Variants in ZNF223 observed in about 807,000 individuals in gnomAD.
ZNF223 encodes zinc finger protein 223.
ZNF223 carries 9 observed loss-of-function variants against 12.3 expected under a neutral mutation model. The ratio of observed to expected loss-of-function variants is 0.73; its 90% CI spans 0.44 to 1.28. ZNF223 has a LOEUF of 1.28. Ranked by LOEUF, ZNF223 falls within the 50% of genes most tolerant of loss-of-function variation. ZNF223 has a pLI of 0.00. For missense variants in ZNF223, 506 were observed against 579.0 expected, an observed-to-expected ratio of 0.87 and a Z score of 1.29; for synonymous variants, 171 against 195.2, an observed-to-expected ratio of 0.88 and a Z score of 1.03.
At chr19:44,055,529 G>C (rs1976753178) in intron 2 of ZNF223, among the ~76,000 whole-genome samples, 1 of 151,722 alleles carries the variant, frequency 6.6e-6, no homozygotes, top group African/African-American at 2.4e-5. Flanking sequence ...CAGCACTTTG[G>C]GAGGCTGAGG....
chr19:44,054,663 C>T (rs572632767), intron 1 of ZNF223, among the ~76,000 whole-genome samples: 17 of 152,258 alleles, frequency 1.1e-4, no homozygotes, highest in African/African-American at 3.9e-4. Context: ...GCCGAGATCA[C>T]TTTCATCCCC....
chr19:44,067,156 G>A lies in ZNF223; in HGVS notation c.1328G>A (p.Arg443His), dbSNP rs777005275. Residue 443 changes from arginine to histidine, a missense_variant, in exon 5 of 5, where the codon CGT (arginine) becomes CAT (histidine). Physicochemically the swap from Arg to His is conservative, Grantham distance 29 (BLOSUM62 0). Coordinates refer to ENST00000434772, the MANE Select transcript of ZNF223 (RefSeq NM_013361.6). ...AAGAAGCTTGTATACCGGTCATACC[G>A]TAAAGACCAACAAAAAAACCACAGT... ...CGKKLVYRSY[R>H]KDQQKNHSGE... 1.7e-5 allele frequency: 28 copies of A among 1,612,646 alleles called. No individual in the cohort carries two copies. Among genetic ancestry groups the A allele is most frequent in the African/African-American group, 2.7e-5 (2 of 74,784 alleles).
At chr19:44,055,885 T>C (rs530041980) in intron 2 of ZNF223, among the ~76,000 whole-genome samples, 1 of 152,260 alleles carries the variant, frequency 6.6e-6, no homozygotes, top group South Asian at 2.1e-4. Context: ...TGATCTCTTC[T>C]CCTAAACTCA....
intron 2 of ZNF223, among the ~76,000 whole-genome samples, chr19:44,058,551 T>G (rs980642971): frequency 2.0e-5 from 3 of 152,224 alleles, no homozygotes; most frequent in Admixed American, 6.5e-5. Flanking sequence ...CCCCAGTGTC[T>G]GAAGCCAGTG....
Position 44,067,289 on chromosome 19 carries a change from A to G in ZNF223, c.*12A>G, listed in dbSNP as rs1233240608. On this transcript the variant is annotated 3_prime_UTR_variant, in exon 5 of 5. Transcript: ENST00000434772. ...TAAATGACACGTAAGTGTTGTACAT[A>G]TTTATGGGGTACAGTGTGATATTTA... 1.3e-6 allele frequency: 2 copies of G among 1,597,156 alleles called. No homozygotes were observed. Among genetic ancestry groups the G allele is most frequent in the East Asian group, 4.5e-5 (2 of 44,170 alleles).
rs1568512087 is a variant in ZNF223 at position 44,056,584 on chromosome 19, C to CTTTT, written c.15+1393_15+1394insTTTT. Among the ~76,000 whole-genome samples, 11 of 78,362 alleles carry CTTTT rather than the reference C, an allele frequency of 1.4e-4. 1 individual carries two copies. Among genetic ancestry groups the CTTTT allele is most frequent in the African/African-American group, 4.5e-4 (8 of 17,636 alleles). The allele number at this position is 78,362 out of a possible 152,430, so 51.4% of individuals were successfully genotyped here. A position where few individuals can be genotyped will look rare whatever the true frequency, so the allele number is the denominator to read the frequency against. On this transcript the variant is annotated intron_variant, in intron 2 of 4. Transcript: ENST00000434772. ...CTCCTTATGGCATAAAATGCCTCAC[C>CTTTT]ATTTTTTTTTTTTTTTTTTTTTTTT...
At chr19:44,053,791 C>T (rs1054317781) in intron 1 of ZNF223, among the ~76,000 whole-genome samples, 1 of 152,140 alleles carries the variant, frequency 6.6e-6, no homozygotes, top group African/African-American at 2.4e-5. Flanking sequence ...GGCAGAGGTC[C>T]CTGTGGCCTT....
rs547267005 is a variant in ZNF223 at position 44,058,516 on chromosome 19, T to C, written c.16-1939T>C. 2.0e-5 allele frequency among the ~76,000 whole-genome samples: 3 copies of C among 152,324 alleles called. No individual in the cohort carries two copies. In the East Asian group the frequency reaches 5.8e-4, roughly 29 times the overall value. ...TATCAAAATAAGAAGCTGCTGAAGA[T>C]ACCAAAGAAGAATCATTCAGGTGGC... On this transcript the variant is annotated intron_variant, in intron 2 of 4. Coordinates refer to ENST00000434772, the MANE Select transcript of ZNF223 (RefSeq NM_013361.6).
Position 44,067,492 on chromosome 19 carries a change from T to C in ZNF223, c.*215T>C. On this transcript the variant is annotated 3_prime_UTR_variant, in exon 5 of 5. Transcript: ENST00000434772. Reference sequence around the variant, plus strand: ...AGAACAGCAGAACTTCTTCCTCTTATCTACCTGTACTTTTGCATCCATTAG... The same window carrying C: ...AGAACAGCAGAACTTCTTCCTCTTACCTACCTGTACTTTTGCATCCATTAG... 4.6e-6 allele frequency: 3 copies of C among 656,698 alleles called. No homozygotes were observed. Among genetic ancestry groups the C allele is most frequent in the South Asian group, 4.5e-5 (3 of 66,134 alleles). The allele number at this position is 656,698 out of a possible 1,614,324, so 40.7% of individuals were successfully genotyped here.
chr19:44,064,093 A>T (rs1301980004), intron 4 of ZNF223, among the ~76,000 whole-genome samples: 2 of 152,180 alleles, frequency 1.3e-5, no homozygotes, highest in Non-Finnish European at 2.9e-5. Context: ...GACAGTTTTC[A>T]TGCATGTAGG....
In ZNF223 at chr19:44,056,789, G is replaced by A. The variant is rs528201215; in HGVS notation, c.15+1598G>A. Among the ~76,000 whole-genome samples the A allele has an allele frequency of 1.1e-4, 16 of 151,454 alleles. 1 individual carries two copies. The highest frequency in any genetic ancestry group is 4.2e-4 in the South Asian group (2 of 4,800). ...TTTTTTGTGTGTTTTTAGTAGAGAC[G>A]GGGTTTCACCGTGTTAGCCAGGATG... is the stretch of plus-strand genomic sequence containing the variant. On this transcript the variant is annotated intron_variant, in intron 2 of 4. Transcript: ENST00000434772.
intron 2 of ZNF223, among the ~76,000 whole-genome samples, chr19:44,058,701 G>T (rs569316570): frequency 6.6e-6 from 1 of 152,354 alleles, no homozygotes; most frequent in African/African-American, 2.4e-5. Context: ...GAACCTTCCT[G>T]AGGGAGTGAA....
chr19:44,063,849 A>G (rs1243912515), intron 4 of ZNF223, among the ~76,000 whole-genome samples: 1 of 152,128 alleles, frequency 6.6e-6, no homozygotes, highest in African/African-American at 2.4e-5. Context: ...GGGCAGAAAA[A>G]TGGGGTCATC....
intron 1 of ZNF223, among the ~76,000 whole-genome samples, chr19:44,053,835 T>G (rs1976731553): frequency 6.6e-6 from 1 of 152,204 alleles, no homozygotes; most frequent in African/African-American, 2.4e-5. Flanking sequence ...TAATCGAGAC[T>G]GGAGAATGGC....
chr19:44,062,648 AT>A lies in ZNF223; in HGVS notation c.235+1817del, dbSNP rs35674862. 1.5e-3 allele frequency among the ~76,000 whole-genome samples: 216 copies of A among 147,722 alleles called. 2 individuals are homozygous for A. The highest frequency in any genetic ancestry group is 6.4e-3 in the South Asian group (29 of 4,566). ...TCCTGTGGAAACTTCTAAGCATAGC[AT>A]TTTTTTTTTCATGACCACACTGAGT... On this transcript the variant is annotated intron_variant, in intron 4 of 4. Transcript: ENST00000434772.
intron 1 of ZNF223, among the ~76,000 whole-genome samples, chr19:44,052,878 T>C (rs573917195): frequency 2.0e-5 from 3 of 152,010 alleles, no homozygotes; most frequent in Non-Finnish European, 4.4e-5. Context: ...ACATGTCAGA[T>C]AGATGTGTTA....
chr19:44,060,241 A>T, intron 2 of ZNF223: 1 of 787,694 alleles, frequency 1.3e-6, no homozygotes. Context: ...AGACCACAAG[A>T]CTTCTTTGTC....
intron 4 of ZNF223, 151 bp from the exon 5 acceptor site, chr19:44,065,913 A>G (rs1976903214): frequency 2.2e-6 from 3 of 1,348,640 alleles, no homozygotes; most frequent in Non-Finnish European, 2.0e-6. Flanking sequence ...ATGGTTTTAG[A>G]TTACTCTCAT....
intron 2 of ZNF223, among the ~76,000 whole-genome samples, chr19:44,056,421 A>T (rs557000171): frequency 1.4e-5 from 2 of 141,540 alleles, no homozygotes; most frequent in Admixed American, 1.4e-4. Context: ...AGTCCCAGCT[A>T]CTCGGCAGGC....
Sources: allele counts gnomAD v4.1 joint callset (sites outside exome capture counted in the v4.1 genomes callset), GRCh38; gene constraint gnomAD v4.1.1; transcripts MANE v1.5; gene names NCBI Gene and HGNC (gene_info 2026-07-23, HGNC 2026-07-21).